The following TSGA10 variants were observed in gnomAD, a reference collection of about 807,000 sequenced individuals.
TSGA10 encodes the protein testis-specific gene 10 protein.
A neutral mutation model predicts 96.6 loss-of-function variants in TSGA10; 43 were observed. That is an observed-to-expected ratio of 0.44 (90% confidence interval 0.35 to 0.57). The LOEUF (loss-of-function observed/expected upper bound fraction) is 0.57. Ranked by LOEUF, TSGA10 falls within the 20% of genes least tolerant of loss-of-function variation. TSGA10 has a pLI of 0.01. For synonymous variants in TSGA10, 229 were observed against 269.9 expected, an observed-to-expected ratio of 0.85 and a Z score of 1.48; for missense variants, 703 against 834.4, an observed-to-expected ratio of 0.84 and a Z score of 1.94.
chr2:99,054,370 T>C (rs1312257655), intron 16 of TSGA10, among the ~76,000 whole-genome samples: 3 of 152,138 alleles, frequency 2.0e-5, no homozygotes, highest in Non-Finnish European at 4.4e-5. Flanking sequence ...CAACTCTTAA[T>C]GGATTAAAGA....
At chr2:99,049,533 G>A (rs2104335817) in intron 16 of TSGA10, among the ~76,000 whole-genome samples, 1 of 152,112 alleles carries the variant, frequency 6.6e-6, no homozygotes, top group East Asian at 1.9e-4. Flanking sequence ...TCAACAATGA[G>A]AACACCGGGA....
chr2:99,003,342 A>T (rs1391892910), intron 20 of TSGA10, among the ~76,000 whole-genome samples: 1 of 152,194 alleles, frequency 6.6e-6, no homozygotes, highest in Non-Finnish European at 1.5e-5. Flanking sequence ...CTCCCACAAA[A>T]TAATAATGGG....
chr2:99,121,441 ATCCTTCTGT>A, intron 2 of TSGA10, among the ~76,000 whole-genome samples: 1 of 152,228 alleles, frequency 6.6e-6, no homozygotes, highest in Non-Finnish European at 1.5e-5. Flanking sequence ...TATACCAGAC[ATCCTTCTGT>A]GAAGTATATA....
chr2:99,064,895 A>T (rs763207092), intron 16 of TSGA10, 44 bp downstream of exon 16: 4 of 1,477,198 alleles, frequency 2.7e-6, no homozygotes, highest in South Asian at 1.5e-5. Context: ...AACTCTTTTA[A>T]ATATGATGCA....
intron 16 of TSGA10, among the ~76,000 whole-genome samples, chr2:99,045,275 A>G (rs897344350): frequency 6.6e-6 from 1 of 152,166 alleles, no homozygotes; most frequent in African/African-American, 2.4e-5. Flanking sequence ...TCCAAGACAC[A>G]TAATTGTCAG....
At chr2:99,089,542 A>C (rs1445057503) in intron 10 of TSGA10, among the ~76,000 whole-genome samples, 2 of 152,056 alleles carry the variant, frequency 1.3e-5, no homozygotes, top group Non-Finnish European at 2.9e-5. Context: ...CACTGCCTGG[A>C]AACAAACTTG....
intron 1 of TSGA10, among the ~76,000 whole-genome samples, chr2:99,152,046 GA>G (rs1236903252): frequency 3.3e-5 from 5 of 152,092 alleles, no homozygotes; most frequent in Non-Finnish European, 5.9e-5. Context: ...ATTATTTACA[GA>G]ACGTAATTCT....
chr2:99,004,585 A>T (rs1226351744), intron 20 of TSGA10, among the ~76,000 whole-genome samples: 2 of 152,168 alleles, frequency 1.3e-5, no homozygotes, highest in African/African-American at 4.8e-5. Context: ...TCTCAAGACT[A>T]AACCAGGAAG....
chr2:99,046,937 A>G (rs1266699844), intron 16 of TSGA10, among the ~76,000 whole-genome samples: 1 of 152,234 alleles, frequency 6.6e-6, no homozygotes, highest in Non-Finnish European at 1.5e-5. Flanking sequence ...AGAGAATACT[A>G]TAAACACCTC....
chr2:99,147,545 C>G (rs776171471), intron 1 of TSGA10: 1 of 1,504,412 alleles, frequency 6.6e-7, no homozygotes, highest in African/African-American at 1.4e-5. Flanking sequence ...CCTCCTCAGT[C>G]CTTTTATTAG....
At chr2:99,105,258 T>C in intron 9 of TSGA10, 101 bp downstream of exon 9, 2 of 1,030,532 alleles carry the variant, frequency 1.9e-6, no homozygotes, top group Non-Finnish European at 2.8e-6. Context: ...AACACTATCT[T>C]AGAAAAATAA....
At chr2:99,082,489 C>G (rs1037920437) in intron 10 of TSGA10, among the ~76,000 whole-genome samples, 1 of 152,246 alleles carries the variant, frequency 6.6e-6, no homozygotes, top group African/African-American at 2.4e-5. Context: ...ACTCTTAATT[C>G]GTCTCAAAGT....
chr2:99,042,037 CA>C (rs1385761650), intron 16 of TSGA10, among the ~76,000 whole-genome samples: 68 of 138,112 alleles, frequency 4.9e-4, no homozygotes, highest in African/African-American at 1.4e-3. Flanking sequence ...ATTGCCCCCC[CA>C]CATTTTTTTT....
At position 99,094,290 on chromosome 2, in the gene TSGA10, C is replaced by G. The variant is rs552256214; in HGVS notation, c.611+9677G>C. Among the ~76,000 whole-genome samples the G allele has an allele frequency of 2.6e-5, 4 of 152,008 alleles. No individual in the cohort carries two copies. The South Asian group carries it at 8.3e-4, about 32-fold the overall frequency. On this transcript the variant is annotated intron_variant, in intron 10 of 20. Transcript: ENST00000393483. ...AGCACTTAAATCTAAGACCTGAAAC[C>G]ATAAAAATTATAGAAGATAACATTG...
At chr2:99,022,918 A>G (rs1021980300) in intron 17 of TSGA10, among the ~76,000 whole-genome samples, 3 of 152,142 alleles carry the variant, frequency 2.0e-5, no homozygotes, top group Non-Finnish European at 2.9e-5. Context: ...GCATTTTTCT[A>G]TTAATGATGT....
intron 9 of TSGA10, 121 bp from the exon 10 acceptor site, chr2:99,104,239 G>C: frequency 8.9e-7 from 1 of 1,127,152 alleles, no homozygotes; most frequent in Admixed American, 2.3e-5. Context: ...GAGATTATCA[G>C]GTTAGACCTG....
intron 2 of TSGA10, among the ~76,000 whole-genome samples, chr2:99,122,615 CAAAAAAAAAAAA>C (rs148224475): frequency 2.4e-4 from 13 of 53,284 alleles, no homozygotes; most frequent in South Asian, 1.2e-3. Flanking sequence ...CCATCTCTAC[CAAAAAAAAAAAA>C]AAAAAAAAAA....
In TSGA10 at chr2:99,127,034, T is replaced by C; in HGVS notation, c.-492+14A>G. ...CAAATTAAGTCAGGAAAATATGTTG[T>C]AACTAAACGCAACCTGTAATTTCAG... On this transcript the variant is annotated intron_variant, in intron 2 of 20. Transcript: ENST00000393483. 6.2e-6 allele frequency: 8 copies of C among 1,287,018 alleles called. No homozygotes were observed. Among genetic ancestry groups the C allele is most frequent in the Non-Finnish European group, 8.1e-6 (8 of 988,124 alleles). The allele number at this position is 1,287,018 out of a possible 1,614,324, so 79.7% of individuals were successfully genotyped here.
At chr2:99,143,309 T>C (rs1452456787) in intron 1 of TSGA10, among the ~76,000 whole-genome samples, 2 of 151,326 alleles carry the variant, frequency 1.3e-5, no homozygotes, top group African/African-American at 2.4e-5. Context: ...GCCCAGCTTT[T>C]TTTTTGTTTG....
Sources: allele counts gnomAD v4.1 joint callset (sites outside exome capture counted in the v4.1 genomes callset), GRCh38; gene constraint gnomAD v4.1.1; transcripts MANE v1.5; gene names NCBI Gene and HGNC (gene_info 2026-07-23, HGNC 2026-07-21).